Variants in WWOX observed in about 807,000 individuals in gnomAD.
WWOX encodes the protein WW domain containing oxidoreductase.
WWOX carries 69 observed loss-of-function variants against 46.2 expected under a neutral mutation model. The observed-to-expected ratio is 1.49, with a 90% CI of 1.23 to 1.82. WWOX has a LOEUF of 1.82. Ranked by LOEUF, WWOX falls within the 40% of genes most tolerant of loss-of-function variation. WWOX has a pLI of 0.00. For synonymous variants in WWOX, 359 were observed against 202.6 expected, an observed-to-expected ratio of 1.77 and a Z score of -6.56; for missense variants, 919 against 542.6, an observed-to-expected ratio of 1.69 and a Z score of -6.89.
At chr16:78,848,668 C>A (rs1205254587) in intron 8 of WWOX, among the ~76,000 whole-genome samples, 1 of 152,150 alleles carries the variant, frequency 6.6e-6, no homozygotes, top group East Asian at 1.9e-4. Context: ...CTAGGGCTGA[C>A]CCTGAAGCAG....
Position 79,092,970 on chromosome 16 carries a change from G to C in WWOX, c.1057-118638G>C, listed in dbSNP as rs141344330. On this transcript the variant is annotated intron_variant, in intron 8 of 8. Coordinates refer to ENST00000566780, the MANE Select transcript of WWOX (RefSeq NM_016373.4). The stretch of plus-strand genomic sequence containing the variant: ...AGAATGCTATTTTCTAGTTAGGTTG[G>C]AGCAAAAGTAATCGCGGTTTTCACC... Among the ~76,000 whole-genome samples, 3 of 152,140 alleles carry C rather than the reference G, an allele frequency of 2.0e-5. No homozygotes were observed. In the East Asian group the frequency reaches 5.8e-4, roughly 29 times the overall value.
At chr16:79,134,957 A>T (rs1223227027) in intron 8 of WWOX, among the ~76,000 whole-genome samples, 1 of 152,234 alleles carries the variant, frequency 6.6e-6, no homozygotes, top group Non-Finnish European at 1.5e-5. Flanking sequence ...GTGTTTGCAG[A>T]CAGGAGCTAC....
chr16:78,695,339 A>T (rs994380371), intron 8 of WWOX, among the ~76,000 whole-genome samples: 1 of 151,956 alleles, frequency 6.6e-6, no homozygotes, highest in Admixed American at 6.6e-5. Context: ...GAATCCTCCC[A>T]TATGTCCCTC....
chr16:78,631,343 A>C (rs972263800), intron 8 of WWOX, among the ~76,000 whole-genome samples: 1 of 152,112 alleles, frequency 6.6e-6, no homozygotes, highest in Non-Finnish European at 1.5e-5. Flanking sequence ...GCTGAGACAG[A>C]GCTGGACAGG....
chr16:78,795,806 T>C (rs181731486), intron 8 of WWOX, among the ~76,000 whole-genome samples: 1 of 152,194 alleles, frequency 6.6e-6, no homozygotes, highest in Non-Finnish European at 1.5e-5. Flanking sequence ...TGGAATGAGA[T>C]ATTGAGTATA....
intron 8 of WWOX, among the ~76,000 whole-genome samples, chr16:78,805,427 A>AT (rs35556452): frequency 0.51 from 75,410 of 147,576 alleles, 19,670 homozygotes; most frequent in African/African-American, 0.6. Flanking sequence ...CGCCTGGCTA[A>AT]TTTTTTTTTT....
At chr16:78,184,342 G>C (rs1025834837) in intron 5 of WWOX, among the ~76,000 whole-genome samples, 30 of 152,172 alleles carry the variant, frequency 2.0e-4, no homozygotes, top group Non-Finnish European at 3.5e-4. Flanking sequence ...GATTCGCTTG[G>C]TGTTTTCTCA....
At chr16:79,015,237 C>T (rs751872521) in intron 8 of WWOX, among the ~76,000 whole-genome samples, 1 of 152,092 alleles carries the variant, frequency 6.6e-6, no homozygotes, top group Non-Finnish European at 1.5e-5. Flanking sequence ...TGCCTGATTT[C>T]CTGGGCCTAG....
In WWOX at chr16:78,500,300, C is replaced by T. The variant is rs144921401; in HGVS notation, c.1056+67548C>T. Among the ~76,000 whole-genome samples, 14 of 152,288 alleles carry T rather than the reference C, an allele frequency of 9.2e-5. No individual in the cohort carries two copies. In the East Asian group the frequency reaches 1.3e-3, roughly 15 times the overall value. On this transcript the variant is annotated intron_variant, in intron 8 of 8. Coordinates refer to ENST00000566780, the MANE Select transcript of WWOX (RefSeq NM_016373.4). The stretch of plus-strand genomic sequence containing the variant: ...TGCTGTGGTTCCTAAGTCTCCATTC[C>T]GCTTGCCAAGATTAAATTGAATTAT...
intron 8 of WWOX, among the ~76,000 whole-genome samples, chr16:78,682,092 T>G (rs924593804): frequency 3.3e-5 from 5 of 152,242 alleles, no homozygotes; most frequent in African/African-American, 9.6e-5. Context: ...ATGTAAAGTC[T>G]GCAGCTGGTG....
chr16:78,862,288 TTCTG>T (rs1176058579), intron 8 of WWOX, among the ~76,000 whole-genome samples: 1 of 150,590 alleles, frequency 6.6e-6, no homozygotes, highest in East Asian at 2.0e-4. Flanking sequence ...GGGTGTGTCT[TTCTG>T]TATCTATACA....
chr16:78,218,606 C>T (rs1286741867), intron 5 of WWOX, among the ~76,000 whole-genome samples: 1 of 152,140 alleles, frequency 6.6e-6, no homozygotes, highest in African/African-American at 2.4e-5. Context: ...CACGATAAAG[C>T]AGCTACATTA....
intron 8 of WWOX, among the ~76,000 whole-genome samples, chr16:78,605,664 T>C (rs1440792226): frequency 6.6e-6 from 1 of 152,156 alleles, no homozygotes; most frequent in Non-Finnish European, 1.5e-5. Flanking sequence ...GAATTACAAC[T>C]CCGCCTCTCG....
intron 5 of WWOX, among the ~76,000 whole-genome samples, chr16:78,266,621 C>A (rs754461789): frequency 1.3e-5 from 2 of 152,028 alleles, no homozygotes; most frequent in African/African-American, 4.8e-5. Context: ...TGTAGGTGAG[C>A]TTTTTTATTT....
chr16:78,833,036 T>A (rs1014534178), intron 8 of WWOX, among the ~76,000 whole-genome samples: 2 of 36,568 alleles, frequency 5.5e-5, no homozygotes, highest in African/African-American at 1.2e-4. Flanking sequence ...CTCTCGATCT[T>A]TTTTTTTTTT....
chr16:78,224,765 A>T (rs1241265095), intron 5 of WWOX, among the ~76,000 whole-genome samples: 1 of 152,216 alleles, frequency 6.6e-6, no homozygotes, highest in East Asian at 1.9e-4. Flanking sequence ...CAGTATCTTC[A>T]CTAGGAATAA....
At chr16:78,668,089 G>T (rs377535657) in intron 8 of WWOX, among the ~76,000 whole-genome samples, 137 of 152,230 alleles carry the variant, frequency 9.0e-4, no homozygotes, top group African/African-American at 3.3e-3. Flanking sequence ...GACCAGCCTG[G>T]CCACCATGGT....
intron 5 of WWOX, among the ~76,000 whole-genome samples, chr16:78,273,384 A>T (rs902863668): frequency 6.6e-6 from 1 of 152,106 alleles, no homozygotes; most frequent in Admixed American, 6.5e-5. Context: ...TTATTGACTA[A>T]CTCTGACCAT....
intron 5 of WWOX, among the ~76,000 whole-genome samples, chr16:78,313,163 T>A (rs1306152450): frequency 1.3e-5 from 2 of 152,166 alleles, no homozygotes; most frequent in Non-Finnish European, 2.9e-5. Flanking sequence ...GGGCATGTGG[T>A]AGACTTGGAA....
Sources: allele counts gnomAD v4.1 joint callset (sites outside exome capture counted in the v4.1 genomes callset), GRCh38; gene constraint gnomAD v4.1.1; transcripts MANE v1.5; gene names NCBI Gene and HGNC (gene_info 2026-07-23, HGNC 2026-07-21).